The following PCDHGB2 variants were observed in gnomAD, a reference collection of about 807,000 sequenced individuals.
PCDHGB2 encodes the protein protocadherin gamma subfamily B, 2, also known as protocadherin gamma-B2.
A neutral mutation model predicts 59.3 loss-of-function variants in PCDHGB2; 55 were observed. The ratio of observed to expected loss-of-function variants is 0.93; its 90% CI spans 0.75 to 1.16. The LOEUF (loss-of-function observed/expected upper bound fraction) is 1.16. PCDHGB2 is among the 50% of genes most tolerant of loss of function. The pLI is 0.00. For missense variants in PCDHGB2, 1,228 were observed against 1,198.5 expected, an observed-to-expected ratio of 1.02 and a Z score of -0.36; for synonymous variants, 516 against 512.0, an observed-to-expected ratio of 1.01 and a Z score of -0.11.
intron 1 of PCDHGB2, chr5:141,422,397 C>A (rs753017439): frequency 6.3e-6 from 10 of 1,597,488 alleles, no homozygotes; most frequent in African/African-American, 2.7e-5. Context: ...TTCCTAACCA[C>A]CTGCCTTTTA....
chr5:141,405,106 C>T, intron 1 of PCDHGB2: 1 of 1,613,964 alleles, frequency 6.2e-7, no homozygotes, highest in South Asian at 1.1e-5. Context: ...GGCTGAGGCA[C>T]TGGCACTCCT....
chr5:141,417,842 C>G (rs1247720013), intron 1 of PCDHGB2: 2 of 1,537,166 alleles, frequency 1.3e-6, no homozygotes, highest in Admixed American at 2.0e-5. Flanking sequence ...GGGGACCCAG[C>G]GAGAACCCGA....
Position 141,487,082 on chromosome 5 carries a change from G to A in PCDHGB2, c.2422-7725G>A, listed in dbSNP as rs2099639361. On this transcript the variant is annotated intron_variant, in intron 1 of 3. Transcript: ENST00000522605. The surrounding 1 kb of genome is among the most constrained non-coding windows in gnomAD (Gnocchi z 5.0). Reference sequence around the variant, plus strand: ...GCGGACGGCTGTTCCTATCCCAGCTGACCTCCCACCACAGAAGCTGGTCAT... The same window carrying A: ...GCGGACGGCTGTTCCTATCCCAGCTAACCTCCCACCACAGAAGCTGGTCAT... The A allele has an allele frequency of 8.1e-6, 13 of 1,614,056 alleles. No individual in the cohort carries two copies. The highest frequency in any genetic ancestry group is 1.1e-5 in the Non-Finnish European group (13 of 1,179,938).
chr5:141,466,809 CA>C (rs1454424644), intron 1 of PCDHGB2, among the ~76,000 whole-genome samples: 1 of 152,102 alleles, frequency 6.6e-6, no homozygotes, highest in Non-Finnish European at 1.5e-5. Flanking sequence ...CCTATTCAGA[CA>C]TGGTATAACA....
rs1375469711 is a variant in PCDHGB2 at position 141,512,102 on chromosome 5, C to G, written c.*929C>G. On this transcript the variant is annotated 3_prime_UTR_variant, in exon 4 of 4. Coordinates refer to ENST00000522605, the MANE Select transcript of PCDHGB2 (RefSeq NM_018923.3). Reference sequence around the variant, plus strand: ...GCCATAAACCAATAACTAGGCTGGACCCTTCCCACTACATAATAGGGCTCA... The same window carrying G: ...GCCATAAACCAATAACTAGGCTGGAGCCTTCCCACTACATAATAGGGCTCA... The G allele has an allele frequency of 6.5e-6, 1 of 152,806 alleles. No individual in the cohort carries two copies. The highest frequency in any genetic ancestry group is 1.9e-4 in the East Asian group (1 of 5,182). The allele number at this position is 152,806 out of a possible 1,614,324, so 9.5% of individuals were successfully genotyped here. A position where few individuals can be genotyped will look rare whatever the true frequency, so the allele number is the denominator to read the frequency against.
rs760170186 is a variant in PCDHGB2, at chr5:141,362,040, G to A, written c.1905G>A (p.Arg635=). The change falls in exon 1 of 4, where the codon AGG becomes AGA. Residue 635 remains arginine (R), a synonymous_variant. Transcript: ENST00000522605. Reference sequence around the variant, plus strand: ...GCACAGCGCGTGCCTTGGGCGACAGGGACGCGGCCCGCCAGCGCCTGCTGG... The same window carrying A: ...GCACAGCGCGTGCCTTGGGCGACAGAGACGCGGCCCGCCAGCGCCTGCTGG... ...EVRTARALGD[R]DAARQRLLVA... is the part of the protein sequence containing the mutation. The A allele has an allele frequency of 3.1e-6, 5 of 1,610,444 alleles. No homozygotes were observed. Among genetic ancestry groups the A allele is most frequent in the Non-Finnish European group, 3.4e-6 (4 of 1,179,454 alleles).
Position 141,375,274 on chromosome 5 carries a change from A to C in PCDHGB2, c.2421+12718A>C, listed in dbSNP as rs773661979. On this transcript the variant is annotated intron_variant, in intron 1 of 3. Transcript: ENST00000522605. ...GTCTCCCATTTGAATTGGAAAAATC[A>C]GTTGGCAATTATTATCGATTAGTGA... 9 of 1,613,898 alleles carry C rather than the reference A, an allele frequency of 5.6e-6. No individual in the cohort carries two copies. In the East Asian group the frequency reaches 2.0e-4, roughly 36 times the overall value.
intron 1 of PCDHGB2, among the ~76,000 whole-genome samples, chr5:141,425,919 G>C (rs11167745): frequency 0.3 from 45,848 of 152,124 alleles, 8,179 homozygotes; most frequent in African/African-American, 0.5. Context: ...CAGTCACTAC[G>C]AAAACTCATA....
intron 1 of PCDHGB2, among the ~76,000 whole-genome samples, chr5:141,474,082 C>CA (rs1449032579): frequency 1.3e-5 from 2 of 152,064 alleles, no homozygotes; most frequent in African/African-American, 4.8e-5. Context: ...AAACAAAAAC[C>CA]AAAAAACAAA....
At chr5:141,504,065 G>C (rs1291060280) in intron 2 of PCDHGB2, among the ~76,000 whole-genome samples, 2 of 152,060 alleles carry the variant, frequency 1.3e-5, no homozygotes, top group African/African-American at 2.4e-5. Context: ...AAACTTCTCT[G>C]AGCCAGATGG....
intron 2 of PCDHGB2, among the ~76,000 whole-genome samples, chr5:141,501,290 TACACAC>T (rs55762287): frequency 0.081 from 10,957 of 136,038 alleles, 480 homozygotes; most frequent in African/African-American, 0.13. Context: ...TATTCCCTTA[TACACAC>T]ACACACACAC....
chr5:141,436,817 TA>T (rs1431750380), intron 1 of PCDHGB2, among the ~76,000 whole-genome samples: 1 of 152,244 alleles, frequency 6.6e-6, no homozygotes, highest in Non-Finnish European at 1.5e-5. Context: ...ACAGCTGGTT[TA>T]AAAATCTTAA....
At chr5:141,409,745 T>C (rs968473065) in intron 1 of PCDHGB2, 8 of 1,613,074 alleles carry the variant, frequency 5.0e-6, no homozygotes, top group Non-Finnish European at 6.8e-6. Context: ...CGGGGTGGTG[T>C]TCGCGCAGCG....
At position 141,490,821 on chromosome 5, in the gene PCDHGB2, G is replaced by A. The variant is rs907584239; in HGVS notation, c.2422-3986G>A. On this transcript the variant is annotated intron_variant, in intron 1 of 3. Transcript: ENST00000522605. The surrounding 1 kb of genome is among the most constrained non-coding windows in gnomAD (Gnocchi z 5.4). ...AGCGTACCTTTGACTATGAATTGCT[G>A]CAGATGCTGCAGATTGTGGTGGGGG... 6.2e-7 allele frequency: 1 copy of A among 1,613,876 alleles called. No homozygotes were observed. Among genetic ancestry groups the A allele is most frequent in the Non-Finnish European group, 8.5e-7 (1 of 1,179,826 alleles).
rs1359609195 is a variant in PCDHGB2, at chr5:141,362,128, G to A, written c.1993G>A (p.Ala665Thr). ...SATATLHLIF[A>T]DSLQEVLPDL... ...TACGGCCACGCTGCACCTAATCTTC[G>A]CGGATAGCCTGCAAGAGGTATTGCC... The change falls in exon 1 of 4, where the codon GCG becomes ACG. Residue 665 changes from alanine to threonine, a missense_variant. Around this residue, in one of 3 missense-constraint regions of PCDHGB2, gnomAD observed 433 missense variants for 441.8 expected, o/e 0.98. Transcript: ENST00000522605. 1 of 1,613,900 alleles carries A rather than the reference G, an allele frequency of 6.2e-7. No homozygotes were observed. The highest frequency in any genetic ancestry group is 1.3e-5 in the African/African-American group (1 of 74,936).
chr5:141,444,545 CA>C (rs1264288836), intron 1 of PCDHGB2, among the ~76,000 whole-genome samples: 7 of 152,042 alleles, frequency 4.6e-5, no homozygotes, highest in Admixed American at 6.6e-5. Flanking sequence ...GTCTAGTGAG[CA>C]AAAGGCACTT....
chr5:141,389,553 G>A, intron 1 of PCDHGB2: 1 of 1,613,234 alleles, frequency 6.2e-7, no homozygotes, highest in South Asian at 1.1e-5. Context: ...CAACGACAAT[G>A]CGCCACGGGT....
At position 141,384,552 on chromosome 5, in the gene PCDHGB2, C is replaced by A. The variant is rs752995629; in HGVS notation, c.2421+21996C>A. ...GCAGCAACATGTCACTGAGCCTGTTCGTGCTGGACCAGAATGACAACCCGC... is the reference window on the plus strand; with the variant it reads ...GCAGCAACATGTCACTGAGCCTGTTAGTGCTGGACCAGAATGACAACCCGC... On this transcript the variant is annotated intron_variant, in intron 1 of 3. Transcript: ENST00000522605. 1.4e-5 allele frequency: 22 copies of A among 1,614,148 alleles called. No individual in the cohort carries two copies. In the Admixed American group the frequency reaches 3.0e-4, roughly 22 times the overall value.
chr5:141,393,574 A>T (rs2092798550), intron 1 of PCDHGB2: 2 of 1,613,798 alleles, frequency 1.2e-6, no homozygotes, highest in Non-Finnish European at 1.7e-6. Context: ...GTCCTTGAGA[A>T]CATGCCCCCA....
Sources: allele counts gnomAD v4.1 joint callset (sites outside exome capture counted in the v4.1 genomes callset), GRCh38; gene constraint gnomAD v4.1.1; regional missense constraint gnomAD v4.1.1; non-coding constraint Gnocchi (gnomAD v3.1); transcripts MANE v1.5; gene names NCBI Gene and HGNC (gene_info 2026-07-23, HGNC 2026-07-21).